Variants in IZUMO1 observed in about 807,000 individuals in gnomAD.
IZUMO1 encodes izumo sperm-egg fusion protein 1.
A neutral mutation model predicts 40.7 loss-of-function variants in IZUMO1; 44 were observed. The ratio of observed to expected loss-of-function variants is 1.08; its 90% confidence interval spans 0.85 to 1.39. The LOEUF is 1.39. Among genes scored for constraint, IZUMO1 ranks in the 40% most tolerant of loss-of-function variants. The probability of loss-of-function intolerance (pLI) is 0.00; values close to 1 mark genes in which losing one functional copy is unlikely to be tolerated. For synonymous variants in IZUMO1, 149 were observed against 170.9 expected (o/e 0.87, Z 1.00); for missense variants, 368 against 436.9 (o/e 0.84, Z 1.41).
In IZUMO1 at chr19:48,744,448, C is replaced by G. The variant is rs191499985; in HGVS notation, c.397+5G>C. 2.4e-5 allele frequency: 38 copies of G among 1,609,070 alleles called. No homozygotes were observed. The highest frequency in any genetic ancestry group is 3.2e-5 in the Non-Finnish European group (38 of 1,175,578). ...TGGGGGACACCGACTCCCATCTTCT[C>G]TCACCCTCTTTTTGGAATCGAGCAA... On this transcript the variant is annotated splice_donor_5th_base_variant and intron_variant, in intron 4 of 9. Coordinates refer to ENST00000332955, the MANE Select transcript of IZUMO1 (RefSeq NM_182575.3).
chr19:48,742,592 C>T (rs145960477), intron 6 of IZUMO1, among the ~76,000 whole-genome samples: 1,767 of 152,034 alleles, frequency 0.012, 46 homozygotes, highest in African/African-American at 0.041. Flanking sequence ...AGGTGATCTG[C>T]CTGCCTCAGC....
intron 6 of IZUMO1, 78 bp from the exon 7 acceptor site, chr19:48,742,387 G>T (rs1418882358): frequency 1.9e-5 from 19 of 1,014,278 alleles, no homozygotes; most frequent in Non-Finnish European, 2.6e-5. Flanking sequence ...TCGCTCTGTC[G>T]CCCAGGCTGG....
intron 4 of IZUMO1, 114 bp downstream of exon 4, chr19:48,744,339 G>C: frequency 1.7e-6 from 2 of 1,191,894 alleles, no homozygotes; most frequent in East Asian, 2.3e-5. Flanking sequence ...GTCTGAAGGA[G>C]GAGGCAGTTG....
intron 5 of IZUMO1, chr19:48,743,895 G>T: frequency 2.1e-6 from 1 of 485,556 alleles, no homozygotes; most frequent in Non-Finnish European, 3.7e-6. Flanking sequence ...GGGGGCTGAG[G>T]CAGGAGAATA....
chr19:48,745,348 T>C (rs372302955), intron 2 of IZUMO1, 60 bp from the exon 3 acceptor site: 1 of 1,472,864 alleles, frequency 6.8e-7, no homozygotes, highest in East Asian at 2.3e-5. Flanking sequence ...GCGCCTAATC[T>C]TAGAAACTAC....
At chr19:48,744,329 G>A (rs2033813445) in intron 4 of IZUMO1, 124 bp downstream of exon 4, 1 of 1,206,532 alleles carries the variant, frequency 8.3e-7, no homozygotes, top group African/African-American at 1.5e-5. Flanking sequence ...AAAGACTTGG[G>A]TCTGAAGGAG....
chr19:48,745,407 C>A (rs1173444151), intron 2 of IZUMO1, 119 bp from the exon 3 acceptor site: 46 of 1,046,614 alleles, frequency 4.4e-5, no homozygotes, highest in Non-Finnish European at 6.2e-5. Context: ...AAGGACTCAG[C>A]CGCCCGTTGC....
Position 48,741,726 on chromosome 19 carries a change from G to C in IZUMO1, c.754+63C>G. 10 of 1,494,922 alleles carry C rather than the reference G, an allele frequency of 6.7e-6. No individual in the cohort carries two copies. In the South Asian group the frequency reaches 1.4e-4, roughly 20 times the overall value. The allele number at this position is 1,494,922 out of a possible 1,614,324, so 92.6% of individuals were successfully genotyped here. A position where few individuals can be genotyped will look rare whatever the true frequency, so the allele number is the denominator to read the frequency against. ...CCCCCATCGCCAAGGCCACGCCCCCGCCGCGGACCCCAGCTTTCCTGGGCC... is the reference window on the plus strand; with the variant it reads ...CCCCCATCGCCAAGGCCACGCCCCCCCCGCGGACCCCAGCTTTCCTGGGCC... On this transcript the variant is annotated intron_variant, in intron 8 of 9. Transcript: ENST00000332955. The surrounding 1 kb of genome is among the most constrained non-coding windows in gnomAD (Gnocchi z 4.4).
rs950252060 is a variant in IZUMO1 at position 48,741,282 on chromosome 19, T to C, written c.932+19A>G. 6.4e-7 allele frequency: 1 copy of C among 1,571,080 alleles called. No homozygotes were observed. Among genetic ancestry groups the C allele is most frequent in the African/African-American group, 1.3e-5 (1 of 74,304 alleles). On this transcript the variant is annotated intron_variant, in intron 9 of 9. Transcript: ENST00000332955. This position sits in a 1 kb window ranked among gnomAD's most constrained non-coding sequence, Gnocchi z 4.4. ...CCCTTACTCCAAGCCAAGCCTGTCT[T>C]CTTCAATGGGTTGCTTACGCAAAGG...
Position 48,746,147 on chromosome 19 carries a change from A to C in IZUMO1, c.-73-215T>G, listed in dbSNP as rs2033877459. 3.1e-6 allele frequency: 4 copies of C among 1,270,282 alleles called. No individual in the cohort carries two copies. In the South Asian group the frequency reaches 7.4e-5, roughly 23 times the overall value. The allele number at this position is 1,270,282 out of a possible 1,614,324, so 78.7% of individuals were successfully genotyped here. On this transcript the variant is annotated intron_variant, in intron 1 of 9. Transcript: ENST00000332955. ...GAATCCCCCAACTGAGAGATCAGAAAAACTATTAAACAGGAATCACTCATA... is the reference window on the plus strand; with the variant it reads ...GAATCCCCCAACTGAGAGATCAGAACAACTATTAAACAGGAATCACTCATA...
At chr19:48,743,620 C>A in intron 5 of IZUMO1, 95 bp from the exon 6 acceptor site, 1 of 929,416 alleles carries the variant, frequency 1.1e-6, no homozygotes. Flanking sequence ...TCATCTATGA[C>A]ATTCCTAGAT....
At position 48,741,989 on chromosome 19, in the gene IZUMO1, T is replaced by A; in HGVS notation, c.601-47A>T. 1 of 1,554,364 alleles carries A rather than the reference T, an allele frequency of 6.4e-7. No individual in the cohort carries two copies. Among genetic ancestry groups the A allele is most frequent in the Non-Finnish European group, 8.7e-7 (1 of 1,146,272 alleles). ...CACTGAGGCCTGAGGAATTCAGGGG[T>A]TGGGGGAGTACAGGGGTGAGAAGAT... On this transcript the variant is annotated intron_variant, in intron 7 of 9. Coordinates refer to ENST00000332955, the MANE Select transcript of IZUMO1 (RefSeq NM_182575.3). The surrounding 1 kb of genome is among the most constrained non-coding windows in gnomAD (Gnocchi z 4.4).
intron 5 of IZUMO1, 45 bp from the exon 6 acceptor site, chr19:48,743,570 T>C (rs750858280): frequency 5.5e-6 from 8 of 1,454,032 alleles, no homozygotes; most frequent in African/African-American, 1.4e-5. Context: ...CTAAGGGGCA[T>C]GGCTAAAAGG....
chr19:48,741,828 TCA>T lies in IZUMO1; in HGVS notation c.713_714del (p.Val238GlufsTer120). On this transcript the variant is annotated frameshift_variant, in exon 8 of 10. Coordinates refer to ENST00000332955, the MANE Select transcript of IZUMO1 (RefSeq NM_182575.3). LOFTEE classifies it high-confidence loss of function. The surrounding 1 kb of genome is among the most constrained non-coding windows in gnomAD (Gnocchi z 4.4). ...AGSYRCELGS[V>X]NSSPATIINF... ...TTGATGATCGTGGCTGGGCTGGAAT[TCA>T]CAGAGCCCAGCTCGCAGCGGTAGCT... 2.5e-6 allele frequency: 4 copies of T among 1,604,920 alleles called. No individual in the cohort carries two copies. Among genetic ancestry groups the T allele is most frequent in the Non-Finnish European group, 3.4e-6 (4 of 1,173,194 alleles).
rs1232198901 is a variant in IZUMO1, at chr19:48,746,027, T to A, written c.-73-95A>T. ...CCTCGAAAAGAGGATCTTCAGGAAA[T>A]CTCCAAATAAAGAGGACCTATGTCC... On this transcript the variant is annotated intron_variant, in intron 1 of 9. Coordinates refer to ENST00000332955, the MANE Select transcript of IZUMO1 (RefSeq NM_182575.3). The A allele has an allele frequency of 1.0e-5, 15 of 1,441,930 alleles. No individual in the cohort carries two copies. The East Asian group carries it at 3.5e-4, about 34-fold the overall frequency. 89.3% of individuals were successfully genotyped at this position (1,441,930 alleles called of 1,614,324 possible). A position where few individuals can be genotyped will look rare whatever the true frequency, so the allele number is the denominator to read the frequency against.
chr19:48,743,720 C>T (rs2033792680), intron 5 of IZUMO1, 195 bp from the exon 6 acceptor site: 5 of 596,576 alleles, frequency 8.4e-6, no homozygotes, highest in South Asian at 3.9e-5. Context: ...AGGCCGGATG[C>T]GGTGGCTTAC....
intron 5 of IZUMO1, 78 bp from the exon 6 acceptor site, chr19:48,743,603 G>A: frequency 8.7e-7 from 1 of 1,151,872 alleles, no homozygotes; most frequent in East Asian, 2.4e-5. Context: ...TAAGGGCTGG[G>A]GCCAGATCAT....
At position 48,741,508 on chromosome 19, in the gene IZUMO1, G is replaced by A; in HGVS notation, c.755-30C>T. On this transcript the variant is annotated intron_variant, in intron 8 of 9. Coordinates refer to ENST00000332955, the MANE Select transcript of IZUMO1 (RefSeq NM_182575.3). The surrounding 1 kb of genome is among the most constrained non-coding windows in gnomAD (Gnocchi z 4.4). ...TAGAGAAAGCGTAAAGAGCAGTCCT[G>A]GCAGGGCGTGGAGTTCCTGCCCTGG... The A allele has an allele frequency of 6.3e-7, 1 of 1,585,050 alleles. No individual in the cohort carries two copies. The highest frequency in any genetic ancestry group is 8.6e-7 in the Non-Finnish European group (1 of 1,158,936).
At chr19:48,743,888 G>T in intron 5 of IZUMO1, 1 of 481,014 alleles carries the variant, frequency 2.1e-6, no homozygotes. Flanking sequence ...CTACTCAGGG[G>T]GCTGAGGCAG....
Sources: allele counts gnomAD v4.1 joint callset (sites outside exome capture counted in the v4.1 genomes callset), GRCh38; gene constraint gnomAD v4.1.1; non-coding constraint Gnocchi (gnomAD v3.1); transcripts MANE v1.5; gene names NCBI Gene and HGNC (gene_info 2026-07-23, HGNC 2026-07-21).